DIP2C: variants seen among roughly 807,000 people sequenced by gnomAD.
DIP2C encodes the protein DIP2 acetate--CoA ligase C (putative).
In DIP2C, 33 loss-of-function variants were observed where a neutral mutation model predicts 192.4. The observed-to-expected ratio is 0.17, with a 90% CI of 0.13 to 0.23. The LOEUF (loss-of-function observed/expected upper bound fraction) is 0.23. Among genes scored for constraint, DIP2C ranks in the 10% least tolerant of loss-of-function variants. DIP2C has a pLI of 1.00. For missense variants in DIP2C, 1,537 were observed against 2,110.1 expected, an observed-to-expected ratio of 0.73 and a Z score of 5.32; for synonymous variants, 979 against 864.1, an observed-to-expected ratio of 1.13 and a Z score of -2.33.
At chr10:356,157 T>TG in intron 24 of DIP2C, 2 of 573,192 alleles carry the variant, frequency 3.5e-6, no homozygotes, top group Non-Finnish European at 6.2e-6. Context: ...ATTTCTCTCT[T>TG]GCAGATATCA....
At chr10:520,403 T>C (rs1206853923) in intron 1 of DIP2C, among the ~76,000 whole-genome samples, 1 of 152,204 alleles carries the variant, frequency 6.6e-6, no homozygotes, top group African/African-American at 2.4e-5. Context: ...AAGAAAAGGA[T>C]AAAGTTAGAA....
intron 10 of DIP2C, among the ~76,000 whole-genome samples, chr10:397,019 C>T (rs971467281): frequency 2.0e-5 from 3 of 152,212 alleles, no homozygotes; most frequent in African/African-American, 7.2e-5. Context: ...CCCGTGTTCT[C>T]TCCCTTCCCA....
chr10:633,877 T>C (rs907746745), intron 1 of DIP2C, among the ~76,000 whole-genome samples: 32 of 152,338 alleles, frequency 2.1e-4, no homozygotes, highest in African/African-American at 7.0e-4. Flanking sequence ...CGAACATCTC[T>C]GAATAAATGC....
intron 31 of DIP2C, among the ~76,000 whole-genome samples, chr10:326,240 G>A (rs576988329): frequency 8.0e-4 from 122 of 152,280 alleles, no homozygotes; most frequent in African/African-American, 2.8e-3. Flanking sequence ...TACTTTTTCT[G>A]AAGTGATCTC....
chr10:299,158 G>GT (rs1955897886), intron 32 of DIP2C, among the ~76,000 whole-genome samples: 1 of 152,166 alleles, frequency 6.6e-6, no homozygotes, highest in Admixed American at 6.6e-5. Context: ...TGCACACACA[G>GT]TTTTTTCTGA....
At position 577,802 on chromosome 10, in the gene DIP2C, T is replaced by G. The variant is rs933292461; in HGVS notation, c.86-91272A>C. Among the ~76,000 whole-genome samples, 8 of 150,666 alleles carry G rather than the reference T, an allele frequency of 5.3e-5. No homozygotes were observed. In the South Asian group the frequency reaches 1.7e-3, roughly 31 times the overall value. On this transcript the variant is annotated intron_variant, in intron 1 of 36. Transcript: ENST00000280886. Reference sequence around the variant, plus strand: ...AGACTAAACCCAGAGATGTTTTGTTTTGTTTCTTTTGTTTTTTTGTGTTTT... The same window carrying G: ...AGACTAAACCCAGAGATGTTTTGTTGTGTTTCTTTTGTTTTTTTGTGTTTT...
rs540127148 is a variant in DIP2C, at chr10:640,234, CACAG to C, written c.85+49256_85+49259del. Among the ~76,000 whole-genome samples the C allele has an allele frequency of 4.6e-3, 703 of 152,348 alleles. 2 individuals are homozygous for C. The highest frequency in any genetic ancestry group is 0.016 in the African/African-American group (650 of 41,586). On this transcript the variant is annotated intron_variant, in intron 1 of 36. Transcript: ENST00000280886. ...CTGGCGGGGCTCCCGGTGCAGGACA[CACAG>C]ACAGGCACGGCCGCCCCGCCCACGG...
intron 17 of DIP2C, among the ~76,000 whole-genome samples, chr10:374,648 G>A (rs1393368573): frequency 1.3e-5 from 2 of 152,218 alleles, no homozygotes; most frequent in Non-Finnish European, 2.9e-5. Context: ...CACTTAAAAT[G>A]CTTCCCAATT....
chr10:585,392 A>C (rs1446076795), intron 1 of DIP2C, among the ~76,000 whole-genome samples: 1 of 152,236 alleles, frequency 6.6e-6, no homozygotes, highest in Non-Finnish European at 1.5e-5. Flanking sequence ...CACAGCCCTG[A>C]GTATTCCACA....
chr10:349,581 C>T lies in DIP2C; in HGVS notation c.2986-127G>A, dbSNP rs547716841. 5 of 1,290,710 alleles carry T rather than the reference C, an allele frequency of 3.9e-6. No individual in the cohort carries two copies. In the Admixed American group the frequency reaches 9.4e-5, roughly 24 times the overall value. 80.0% of individuals were successfully genotyped at this position (1,290,710 alleles called of 1,614,324 possible). A position where few individuals can be genotyped will look rare whatever the true frequency, so the allele number is the denominator to read the frequency against. On this transcript the variant is annotated intron_variant, in intron 24 of 36. Coordinates refer to ENST00000280886, the MANE Select transcript of DIP2C (RefSeq NM_014974.3). ...CACTGGTTTTTAGAACAAGCACAGA[C>T]CTGTGCAACCAACATGACAGTCAAT... is the stretch of plus-strand genomic sequence containing the variant.
At chr10:483,330 AG>A (rs2133534394) in intron 2 of DIP2C, among the ~76,000 whole-genome samples, 1 of 152,368 alleles carries the variant, frequency 6.6e-6, no homozygotes, top group East Asian at 1.9e-4. Context: ...TCCTGCACAA[AG>A]GAAGTCACGT....
intron 25 of DIP2C, among the ~76,000 whole-genome samples, chr10:349,013 A>T (rs564196867): frequency 1.5e-3 from 229 of 152,342 alleles, no homozygotes; most frequent in Non-Finnish European, 2.5e-3. Flanking sequence ...GGAATTACCC[A>T]CCTTTGTAAC....
At chr10:447,674 G>GTCT (rs2133306893) in intron 3 of DIP2C, among the ~76,000 whole-genome samples, 2 of 116,692 alleles carry the variant, frequency 1.7e-5, no homozygotes, top group Middle Eastern at 6.7e-3. Context: ...CACCCCCATT[G>GTCT]ATATTCAGGA....
At chr10:393,778 C>CA (rs34390976) in intron 10 of DIP2C, among the ~76,000 whole-genome samples, 34,132 of 66,518 alleles carry the variant, frequency 0.51, 7,909 homozygotes, top group East Asian at 0.71. Context: ...GACTCCGTCT[C>CA]AAAAAAAAAA....
intron 3 of DIP2C, among the ~76,000 whole-genome samples, chr10:443,018 G>A (rs748982598): frequency 5.9e-5 from 9 of 152,102 alleles, no homozygotes; most frequent in South Asian, 2.1e-4. Context: ...GGTATCTTCC[G>A]GACTAGACTC....
intron 1 of DIP2C, among the ~76,000 whole-genome samples, chr10:537,805 C>T (rs1243489228): frequency 2.0e-5 from 3 of 151,260 alleles, no homozygotes; most frequent in Non-Finnish European, 3.0e-5. Context: ...TTTTTTTTTT[C>T]CCCCGAGACC....
At chr10:314,750 T>G (rs77735444) in intron 31 of DIP2C, among the ~76,000 whole-genome samples, 2,753 of 152,036 alleles carry the variant, frequency 0.018, 71 homozygotes, top group African/African-American at 0.063. Flanking sequence ...ACCTGCAGAG[T>G]GGATGAACAT....
intron 10 of DIP2C, among the ~76,000 whole-genome samples, chr10:398,900 C>G (rs1822733661): frequency 6.6e-6 from 1 of 152,178 alleles, no homozygotes; most frequent in Non-Finnish European, 1.5e-5. Context: ...GGCTGCTGAT[C>G]CACGTTTGAC....
intron 4 of DIP2C, among the ~76,000 whole-genome samples, chr10:438,523 T>TC (rs1967461352): frequency 6.6e-6 from 1 of 152,042 alleles, no homozygotes; most frequent in Admixed American, 6.6e-5. Context: ...AGGGTCTTCC[T>TC]CTGTTGCCCA....
Sources: allele counts gnomAD v4.1 joint callset (sites outside exome capture counted in the v4.1 genomes callset), GRCh38; gene constraint gnomAD v4.1.1; transcripts MANE v1.5; gene names NCBI Gene and HGNC (gene_info 2026-07-23, HGNC 2026-07-21).